MARCHF4: variants seen among roughly 807,000 people sequenced by gnomAD.
MARCHF4 encodes membrane associated ring-CH-type finger 4.
A neutral mutation model predicts 43.9 loss-of-function variants in MARCHF4; 14 were observed. The observed-to-expected ratio is 0.32, with a 90% CI of 0.21 to 0.50. The LOEUF (loss-of-function observed/expected upper bound fraction) is 0.50. Among genes scored for constraint, MARCHF4 ranks in the 20% least tolerant of loss-of-function variants. The pLI is 0.98. For synonymous variants in MARCHF4, 226 were observed against 213.3 expected, an observed-to-expected ratio of 1.06 and a Z score of -0.52; for missense variants, 468 against 536.7, an observed-to-expected ratio of 0.87 and a Z score of 1.27.
At chr2:216,298,623 G>T (rs563736037) in intron 1 of MARCHF4, among the ~76,000 whole-genome samples, 1 of 152,262 alleles carries the variant, frequency 6.6e-6, no homozygotes, top group East Asian at 1.9e-4. Context: ...ATGGATGTAT[G>T]TGCCCAGAGG....
intron 1 of MARCHF4, among the ~76,000 whole-genome samples, chr2:216,340,123 A>C (rs1692214412): frequency 6.6e-6 from 1 of 152,016 alleles, no homozygotes; most frequent in African/African-American, 2.4e-5. Context: ...AAGAAACAGG[A>C]AGTTGAGAGG....
rs115671048 is a variant in MARCHF4 at position 216,304,331 on chromosome 2, T to C, written c.517-20602A>G. Among the ~76,000 whole-genome samples the C allele has an allele frequency of 1.1e-3, 169 of 152,324 alleles. 1 individual carries two copies. Among genetic ancestry groups the C allele is most frequent in the African/African-American group, 3.5e-3 (147 of 41,580 alleles). ...ATCATCTTTCTGGTCTCTATCTTGA[T>C]TTCTTATTAGTTTTCTTGGCTTGAA... On this transcript the variant is annotated intron_variant, in intron 1 of 3. Coordinates refer to ENST00000273067, the MANE Select transcript of MARCHF4 (RefSeq NM_020814.3).
At chr2:216,340,233 T>C (rs1256336182) in intron 1 of MARCHF4, among the ~76,000 whole-genome samples, 1 of 152,018 alleles carries the variant, frequency 6.6e-6, no homozygotes, top group East Asian at 1.9e-4. Context: ...CAGTCTTAGC[T>C]CTCCTGGCCA....
chr2:216,368,025 C>T (rs1457213805), intron 1 of MARCHF4, among the ~76,000 whole-genome samples: 1 of 152,138 alleles, frequency 6.6e-6, no homozygotes, highest in East Asian at 1.9e-4. Context: ...AAAAAGTTCA[C>T]ACAGTGGGGG....
chr2:216,296,300 C>T (rs545623127), intron 1 of MARCHF4, among the ~76,000 whole-genome samples: 2 of 152,314 alleles, frequency 1.3e-5, no homozygotes, highest in East Asian at 1.9e-4. Flanking sequence ...GGGCTGAGAT[C>T]GTGCCACTGC....
At chr2:216,306,583 A>C (rs1168603845) in intron 1 of MARCHF4, among the ~76,000 whole-genome samples, 1 of 152,174 alleles carries the variant, frequency 6.6e-6, no homozygotes, top group Non-Finnish European at 1.5e-5. Flanking sequence ...CTTATATTGA[A>C]TACTTCTAAA....
At chr2:216,272,414 C>A (rs116049866) in intron 3 of MARCHF4, among the ~76,000 whole-genome samples, 1 of 152,296 alleles carries the variant, frequency 6.6e-6, no homozygotes, top group African/African-American at 2.4e-5. Context: ...CTGATTGTTA[C>A]CAGCAGTTAT....
intron 1 of MARCHF4, among the ~76,000 whole-genome samples, chr2:216,347,613 A>G (rs1260447734): frequency 6.6e-6 from 1 of 152,092 alleles, no homozygotes; most frequent in Non-Finnish European, 1.5e-5. Context: ...CTGTAATCCC[A>G]GTTACTCAGG....
intron 1 of MARCHF4, among the ~76,000 whole-genome samples, chr2:216,367,060 T>C (rs1559109136): frequency 6.6e-6 from 1 of 152,198 alleles, no homozygotes; most frequent in South Asian, 2.1e-4. Flanking sequence ...CAGGAAAAGA[T>C]CAAATACTCA....
At chr2:216,297,101 T>C (rs796310894) in intron 1 of MARCHF4, among the ~76,000 whole-genome samples, 3 of 152,348 alleles carry the variant, frequency 2.0e-5, no homozygotes, top group African/African-American at 7.2e-5. Flanking sequence ...TGAATTACTA[T>C]GGCGTGTGAA....
intron 3 of MARCHF4, among the ~76,000 whole-genome samples, chr2:216,273,472 C>T (rs1000620014): frequency 3.9e-5 from 6 of 152,172 alleles, no homozygotes; most frequent in African/African-American, 7.2e-5. Context: ...TCCACCCATC[C>T]GAGGAGCTTG....
chr2:216,311,523 G>T (rs1275129122), intron 1 of MARCHF4, among the ~76,000 whole-genome samples: 1 of 152,112 alleles, frequency 6.6e-6, no homozygotes, highest in Non-Finnish European at 1.5e-5. Context: ...CTCCCAAAGT[G>T]CTGGGATTAC....
chr2:216,319,020 T>A (rs1186980052), intron 1 of MARCHF4, among the ~76,000 whole-genome samples: 2 of 152,058 alleles, frequency 1.3e-5, no homozygotes, highest in African/African-American at 4.8e-5. Context: ...TTAAAACAAA[T>A]CTACCTGCCG....
At chr2:216,280,226 C>T (rs1279921601) in intron 2 of MARCHF4, among the ~76,000 whole-genome samples, 1 of 151,856 alleles carries the variant, frequency 6.6e-6, no homozygotes, top group Non-Finnish European at 1.5e-5. Context: ...GGGAGAAGGA[C>T]ACCCAGGGTA....
At chr2:216,331,844 C>T (rs899527724) in intron 1 of MARCHF4, among the ~76,000 whole-genome samples, 5 of 152,128 alleles carry the variant, frequency 3.3e-5, no homozygotes, top group Non-Finnish European at 7.3e-5. Context: ...AGAGTATCCA[C>T]AAAACTCTTA....
At chr2:216,326,165 C>T (rs1423600124) in intron 1 of MARCHF4, among the ~76,000 whole-genome samples, 1 of 151,900 alleles carries the variant, frequency 6.6e-6, no homozygotes, top group Non-Finnish European at 1.5e-5. Flanking sequence ...TGAACAGACA[C>T]TTCTCAAAAG....
chr2:216,308,634 C>A (rs1273423398), intron 1 of MARCHF4, among the ~76,000 whole-genome samples: 1 of 152,218 alleles, frequency 6.6e-6, no homozygotes, highest in East Asian at 1.9e-4. Context: ...TGTGATCCTT[C>A]CACTAACTTG....
At chr2:216,321,553 C>T (rs1304683427) in intron 1 of MARCHF4, 1 of 152,134 alleles carries the variant, frequency 6.6e-6, no homozygotes, top group Non-Finnish European at 1.5e-5. Context: ...CCCATTCTGT[C>T]CTTTCTCCCT....
At chr2:216,313,717 T>G (rs1181590068) in intron 1 of MARCHF4, among the ~76,000 whole-genome samples, 1 of 152,212 alleles carries the variant, frequency 6.6e-6, no homozygotes, top group Non-Finnish European at 1.5e-5. Context: ...AGAGATCTGC[T>G]TTCTCAGAAT....
Sources: allele counts gnomAD v4.1 joint callset (sites outside exome capture counted in the v4.1 genomes callset), GRCh38; gene constraint gnomAD v4.1.1; transcripts MANE v1.5; gene names NCBI Gene and HGNC (gene_info 2026-07-23, HGNC 2026-07-21).